NRXN3: variants seen among roughly 807,000 people sequenced by gnomAD.
NRXN3 encodes neurexin III.
NRXN3 carries 32 observed loss-of-function variants against 137.6 expected under a neutral mutation model. That is an observed-to-expected ratio of 0.23 (90% CI 0.18 to 0.31). The LOEUF is 0.31. Ranked by LOEUF, NRXN3 falls within the 10% of genes least tolerant of loss-of-function variation. The pLI, the probability that NRXN3 is intolerant of heterozygous loss-of-function variation, is 1.00. For missense variants in NRXN3, 1,574 were observed against 2,062.5 expected (o/e 0.76, Z 4.59); for synonymous variants, 798 against 784.5 (o/e 1.02, Z -0.29).
chr14:78,525,019 A>C (rs544974401), intron 4 of NRXN3, among the ~76,000 whole-genome samples: 9 of 152,308 alleles, frequency 5.9e-5, no homozygotes, highest in African/African-American at 2.2e-4. Flanking sequence ...TCAGTATTTT[A>C]TCTGATCTAC....
chr14:78,232,443 T>A (rs1181047251), intron 1 of NRXN3, among the ~76,000 whole-genome samples: 1 of 146,796 alleles, frequency 6.8e-6, no homozygotes, highest in African/African-American at 2.7e-5. Context: ...TTACATGTGT[T>A]TGATTTTTTT....
chr14:78,924,340 C>A (rs1345779889), intron 10 of NRXN3, among the ~76,000 whole-genome samples: 1 of 152,180 alleles, frequency 6.6e-6, no homozygotes, highest in African/African-American at 2.4e-5. Flanking sequence ...AGTTTATGTG[C>A]AAACCCGATA....
At chr14:78,351,783 T>C (rs201286405) in intron 4 of NRXN3, among the ~76,000 whole-genome samples, 8 of 49,596 alleles carry the variant, frequency 1.6e-4, no homozygotes, top group Non-Finnish European at 3.2e-4. Flanking sequence ...GGTATTTTTC[T>C]TTTTTTTTTT....
At chr14:79,789,677 G>C (rs544695862) in intron 19 of NRXN3, among the ~76,000 whole-genome samples, 5 of 152,296 alleles carry the variant, frequency 3.3e-5, no homozygotes, top group Admixed American at 6.5e-5. Context: ...TGTCGCTAAT[G>C]AGAGTGTAGC....
intron 16 of NRXN3, among the ~76,000 whole-genome samples, chr14:79,639,101 C>T (rs373380956): frequency 2.9e-4 from 44 of 152,212 alleles, no homozygotes; most frequent in African/African-American, 1.1e-3. Context: ...GTCTTACCCA[C>T]ACCTAGAGAT....
chr14:79,316,954 G>A (rs1298509417), intron 15 of NRXN3, among the ~76,000 whole-genome samples: 2 of 152,080 alleles, frequency 1.3e-5, no homozygotes, highest in Non-Finnish European at 2.9e-5. Flanking sequence ...GGTGGGGCTG[G>A]ACACGGTGGC....
intron 10 of NRXN3, among the ~76,000 whole-genome samples, chr14:78,863,586 T>C (rs1380767563): frequency 6.6e-6 from 1 of 152,148 alleles, no homozygotes; most frequent in South Asian, 2.1e-4. Flanking sequence ...TTAAAATTTA[T>C]ACCTACAGCC....
In NRXN3 at chr14:79,152,220, A is replaced by G. The variant is rs114063874; in HGVS notation, c.3262+164079A>G. ...GAGGACAGCGATAGAATGCTTTTGC[A>G]TTTTATCTGCAGTCAACTAGTTAGA... On this transcript the variant is annotated intron_variant, in intron 15 of 20. Coordinates refer to ENST00000335750, the MANE Select transcript of NRXN3 (RefSeq NM_001330195.2). 2.6e-3 allele frequency among the ~76,000 whole-genome samples: 397 copies of G among 152,188 alleles called. 2 individuals are homozygous for G. Among genetic ancestry groups the G allele is most frequent in the African/African-American group, 9.1e-3 (380 of 41,548 alleles).
At chr14:79,476,214 C>T (rs1029357862) in intron 16 of NRXN3, among the ~76,000 whole-genome samples, 33 of 152,158 alleles carry the variant, frequency 2.2e-4, no homozygotes, top group African/African-American at 7.7e-4. Flanking sequence ...ATTCATTAGC[C>T]ACCCACTCCA....
intron 15 of NRXN3, among the ~76,000 whole-genome samples, chr14:79,103,936 C>G: frequency 6.6e-6 from 1 of 152,146 alleles, no homozygotes; most frequent in East Asian, 1.9e-4. Context: ...CACATCTGCA[C>G]AAGCAATAGA....
intron 15 of NRXN3, chr14:79,279,392 C>G: frequency 1.0e-6 from 1 of 986,312 alleles, no homozygotes; most frequent in Non-Finnish European, 1.2e-6. Context: ...TTCACTTCAC[C>G]TGTGCCTCCC....
At chr14:79,672,201 A>ACTAT (rs1195428991) in intron 17 of NRXN3, among the ~76,000 whole-genome samples, 2 of 152,160 alleles carry the variant, frequency 1.3e-5, no homozygotes, top group East Asian at 3.9e-4. Flanking sequence ...TTTTTAGTAG[A>ACTAT]CTATCTTGGG....
At position 79,533,054 on chromosome 14, in the gene NRXN3, A is replaced by T. The variant is rs868243681; in HGVS notation, c.3444+65652A>T. On this transcript the variant is annotated intron_variant, in intron 16 of 20. Transcript: ENST00000335750. ...TTTCAATTGAGTAAGCCCAATATTT[A>T]CCTGCATCACAAAAAAACTAGATTT... 1.0e-4 allele frequency among the ~76,000 whole-genome samples: 15 copies of T among 143,944 alleles called. No homozygotes were observed. The Middle Eastern group carries it at 0.01, about 101-fold the overall frequency. The allele number at this position is 143,944 out of a possible 152,430, so 94.4% of individuals were successfully genotyped here.
rs114786375 is a variant in NRXN3, at chr14:79,470,281, A to G, written c.3444+2879A>G. Among the ~76,000 whole-genome samples the G allele has an allele frequency of 6.4e-3, 980 of 152,172 alleles. 10 individuals are homozygous for G. Among genetic ancestry groups the G allele is most frequent in the African/African-American group, 0.021 (885 of 41,506 alleles). The stretch of plus-strand genomic sequence containing the variant: ...TTACTGCTATAACAGAATATTTGAG[A>G]TTTGGTAATTTATAAGGAACATAAA... On this transcript the variant is annotated intron_variant, in intron 16 of 20. Transcript: ENST00000335750.
intron 15 of NRXN3, among the ~76,000 whole-genome samples, chr14:79,103,417 A>G (rs1482509549): frequency 6.6e-6 from 1 of 152,152 alleles, no homozygotes. Context: ...CATTACCCCA[A>G]GGTGAATTAG....
chr14:78,441,847 A>G (rs969679933), intron 4 of NRXN3, among the ~76,000 whole-genome samples: 2 of 152,186 alleles, frequency 1.3e-5, no homozygotes, highest in Non-Finnish European at 2.9e-5. Flanking sequence ...CTGTAATCCC[A>G]GCACTTTGGG....
chr14:79,318,524 TC>T (rs1317557869), intron 15 of NRXN3, among the ~76,000 whole-genome samples: 1 of 152,220 alleles, frequency 6.6e-6, no homozygotes, highest in African/African-American at 2.4e-5. Context: ...CCTTTTAGCA[TC>T]ATCACCAAGA....
intron 4 of NRXN3, among the ~76,000 whole-genome samples, chr14:78,621,802 C>A (rs1311788567): frequency 6.6e-6 from 1 of 152,178 alleles, no homozygotes; most frequent in African/African-American, 2.4e-5. Flanking sequence ...ACTACTGACA[C>A]TTTCAAGCAA....
At chr14:78,953,613 T>C (rs761403879) in intron 10 of NRXN3, among the ~76,000 whole-genome samples, 2 of 152,222 alleles carry the variant, frequency 1.3e-5, no homozygotes, top group Non-Finnish European at 2.9e-5. Flanking sequence ...AAGTTCTGCA[T>C]CCCAGAAATC....
Sources: gnomAD v4.1 joint callset for allele counts (sites outside exome capture counted in the v4.1 genomes callset) on GRCh38, gnomAD v4.1.1 for gene constraint, MANE v1.5 for transcripts, NCBI Gene and HGNC (gene_info 2026-07-23, HGNC 2026-07-21) for gene names.